Variants in KLHDC4 observed in about 807,000 individuals in gnomAD.
KLHDC4 encodes the protein kelch domain-containing protein 4.
Under a neutral mutation model 62.4 loss-of-function variants are expected in KLHDC4, and 90 were observed. That is an observed-to-expected ratio of 1.44 (90% CI 1.22 to 1.72). The LOEUF is 1.72. Among genes scored for constraint, KLHDC4 ranks in the 40% most tolerant of loss-of-function variants. The probability of loss-of-function intolerance (pLI) is 0.00; values close to 1 mark genes in which losing one functional copy is unlikely to be tolerated. For synonymous variants in KLHDC4, 386 were observed against 284.4 expected, an observed-to-expected ratio of 1.36 and a Z score of -3.59; for missense variants, 1,025 against 699.7, an observed-to-expected ratio of 1.47 and a Z score of -5.25.
chr16:87,740,463 G>C (rs2042069972), intron 5 of KLHDC4: 1 of 152,286 alleles, frequency 6.6e-6, no homozygotes, highest in Non-Finnish European at 1.5e-5. Context: ...AATGCTGGGA[G>C]GATCCAGGCC....
rs781687635 is a variant in KLHDC4 at position 87,714,556 on chromosome 16, C to T, written c.777G>A (p.Val259=). The T allele has an allele frequency of 1.2e-6, 2 of 1,614,130 alleles. No individual in the cohort carries two copies. Among genetic ancestry groups the T allele is most frequent in the Non-Finnish European group, 1.7e-6 (2 of 1,179,992 alleles). The change falls in exon 8 of 12, where the codon GTG becomes GTA. Residue 259 remains valine (V), a synonymous_variant. Coordinates refer to ENST00000270583, the MANE Select transcript of KLHDC4 (RefSeq NM_017566.4). ...TGTCTGAGTGCCGTGTGCCCTTGTC[C>T]ACGTCTTTCTTAACTCTCTGCAATG... ...GYSKQRVKKD[V]DKGTRHSDMF...
chr16:87,730,274 A>T (rs926389025), intron 6 of KLHDC4, among the ~76,000 whole-genome samples: 15 of 152,304 alleles, frequency 9.8e-5, no homozygotes, highest in African/African-American at 3.4e-4. Flanking sequence ...TTTAGATAGA[A>T]CTAGCCACAT....
At chr16:87,711,141 C>A in intron 9 of KLHDC4, 94 bp downstream of exon 9, 1 of 1,349,176 alleles carries the variant, frequency 7.4e-7, no homozygotes, top group Non-Finnish European at 1.0e-6. Flanking sequence ...CTTTGGGGGC[C>A]CCAATACCAA....
exon 1 of KLHDC4, chr16:87,701,906 T>C (rs765555894): frequency 8.8e-6 from 4 of 456,326 alleles, no homozygotes; most frequent in South Asian, 6.2e-5. Context: ...GGCTCTGCTG[T>C]GCACGTGCTC....
intron 5 of KLHDC4, among the ~76,000 whole-genome samples, chr16:87,734,121 C>T (rs548254573): frequency 3.3e-5 from 5 of 152,246 alleles, no homozygotes; most frequent in East Asian, 1.9e-4. Flanking sequence ...CCAAGGTGGG[C>T]GGATCACGAG....
chr16:87,722,875 A>G (rs1052493908), intron 7 of KLHDC4, among the ~76,000 whole-genome samples: 4 of 152,186 alleles, frequency 2.6e-5, no homozygotes, highest in Non-Finnish European at 4.4e-5. Flanking sequence ...TCTCCAAGCC[A>G]CCTCTACTTG....
intron 8 of KLHDC4, among the ~76,000 whole-genome samples, chr16:87,713,360 C>T (rs913564734): frequency 4.6e-5 from 7 of 151,878 alleles, no homozygotes; most frequent in Admixed American, 6.6e-5. Flanking sequence ...CGCCAGCACA[C>T]CTGGCTACGT....
chr16:87,717,260 G>A (rs1337082581), intron 7 of KLHDC4, among the ~76,000 whole-genome samples: 1 of 152,228 alleles, frequency 6.6e-6, no homozygotes, highest in Non-Finnish European at 1.5e-5. Flanking sequence ...ACCAAGATTT[G>A]GGCAATGGAT....
intron 4 of KLHDC4, 100 bp downstream of exon 4, chr16:87,755,094 C>T: frequency 1.3e-6 from 1 of 761,298 alleles, no homozygotes; most frequent in Non-Finnish European, 2.3e-6. Context: ...AGGGCCCAGC[C>T]CCTCCGCACC....
At chr16:87,742,791 T>C (rs142864264) in intron 5 of KLHDC4, among the ~76,000 whole-genome samples, 49 of 152,256 alleles carry the variant, frequency 3.2e-4, no homozygotes, top group Non-Finnish European at 5.0e-4. Context: ...CTGGCCACTG[T>C]GCCAGGAAAA....
chr16:87,722,376 G>A (rs1164266103), intron 7 of KLHDC4, among the ~76,000 whole-genome samples: 2 of 152,206 alleles, frequency 1.3e-5, no homozygotes, highest in East Asian at 3.8e-4. Flanking sequence ...GAGGGCAGGT[G>A]TCTGTGAGTT....
At chr16:87,749,760 T>C (rs1014864421) in intron 4 of KLHDC4, among the ~76,000 whole-genome samples, 1 of 152,076 alleles carries the variant, frequency 6.6e-6, no homozygotes, top group Non-Finnish European at 1.5e-5. Context: ...TTTAATTTTT[T>C]GCAGCAATGG....
chr16:87,704,822 T>C (rs547984212), downstream of KLHDC4, among the ~76,000 whole-genome samples: 25 of 152,198 alleles, frequency 1.6e-4, no homozygotes, highest in African/African-American at 5.3e-4. Flanking sequence ...GTTCCCTTGA[T>C]GTTCATTCCA....
chr16:87,722,950 C>A (rs1328551534), intron 7 of KLHDC4, among the ~76,000 whole-genome samples: 1 of 152,196 alleles, frequency 6.6e-6, no homozygotes, highest in Non-Finnish European at 1.5e-5. Flanking sequence ...ATGGACGGGG[C>A]CTGCGTGGGA....
At chr16:87,746,357 G>A (rs941890742) in intron 5 of KLHDC4, among the ~76,000 whole-genome samples, 1 of 151,946 alleles carries the variant, frequency 6.6e-6, no homozygotes, top group Non-Finnish European at 1.5e-5. Context: ...CACAAAGAGA[G>A]AAAGAGAGAG....
intron 5 of KLHDC4, among the ~76,000 whole-genome samples, chr16:87,740,179 G>A (rs2042030917): frequency 6.6e-6 from 1 of 152,142 alleles, no homozygotes; most frequent in Admixed American, 6.5e-5. Flanking sequence ...ATGTGTGGCA[G>A]GCAGACCTAA....
At chr16:87,765,071 C>T (rs1189585067) in intron 1 of KLHDC4, 2 of 454,832 alleles carry the variant, frequency 4.4e-6, no homozygotes, top group African/African-American at 4.0e-5. Context: ...CTGACCTGCT[C>T]GTGAGGAGTA....
chr16:87,732,404 A>T (rs970127971), intron 5 of KLHDC4, among the ~76,000 whole-genome samples: 1 of 152,228 alleles, frequency 6.6e-6, no homozygotes, highest in African/African-American at 2.4e-5. Flanking sequence ...TCAGGTGTGT[A>T]TATTTCTTAA....
chr16:87,724,250 GGCTA>G (rs955613485), intron 7 of KLHDC4, among the ~76,000 whole-genome samples: 80 of 152,234 alleles, frequency 5.3e-4, no homozygotes, highest in African/African-American at 1.7e-3. Flanking sequence ...CAGATCACAG[GGCTA>G]ACTGTGAAAC....
Sources: gnomAD v4.1 joint callset for allele counts (sites outside exome capture counted in the v4.1 genomes callset) on GRCh38, gnomAD v4.1.1 for gene constraint, MANE v1.5 for transcripts, NCBI Gene and HGNC (gene_info 2026-07-23, HGNC 2026-07-21) for gene names.